The following PDE6C variants were observed in gnomAD, a reference collection of about 807,000 sequenced individuals.
PDE6C encodes the protein phosphodiesterase 6C.
A neutral mutation model predicts 113.1 loss-of-function variants in PDE6C; 75 were observed. That is an observed-to-expected ratio of 0.66 (90% confidence interval 0.55 to 0.80). PDE6C has a LOEUF of 0.80. Ranked by LOEUF, PDE6C falls within the 30% of genes least tolerant of loss-of-function variation. The probability of loss-of-function intolerance (pLI) is 0.00; values close to 1 mark genes in which losing one functional copy is unlikely to be tolerated. For missense variants in PDE6C, 912 were observed against 1,038.6 expected, an observed-to-expected ratio of 0.88 and a Z score of 1.67; for synonymous variants, 375 against 363.7, an observed-to-expected ratio of 1.03 and a Z score of -0.35.
At chr10:93,637,718 G>A (rs2058540598) in intron 11 of PDE6C, among the ~76,000 whole-genome samples, 1 of 152,094 alleles carries the variant, frequency 6.6e-6, no homozygotes, top group South Asian at 2.1e-4. Context: ...ATTTTCCCCT[G>A]TATTTTCATA....
At chr10:93,616,153 T>C (rs117998577) in intron 1 of PDE6C, among the ~76,000 whole-genome samples, 118 of 152,170 alleles carry the variant, frequency 7.8e-4, no homozygotes, top group Non-Finnish European at 1.5e-3. Flanking sequence ...GCCTGTGTAG[T>C]AGGAATCGTT....
chr10:93,640,298 TCA>T lies in PDE6C; in HGVS notation c.1629+83_1629+84del, dbSNP rs2058552903. On this transcript the variant is annotated intron_variant, in intron 12 of 21. Coordinates refer to ENST00000371447, the MANE Select transcript of PDE6C (RefSeq NM_006204.4). ...GTTTTCTGTGGTTCAAAAGATGGACTCAGTTTGAATTTTAAATTATTATTAAC... is the reference window on the plus strand; with the variant it reads ...GTTTTCTGTGGTTCAAAAGATGGACTGTTTGAATTTTAAATTATTATTAAC... 9.4e-6 allele frequency: 13 copies of T among 1,386,868 alleles called. No individual in the cohort carries two copies. In the South Asian group the frequency reaches 1.4e-4, roughly 15 times the overall value. 85.9% of individuals were successfully genotyped at this position (1,386,868 alleles called of 1,614,324 possible).
intron 15 of PDE6C, among the ~76,000 whole-genome samples, chr10:93,652,658 A>G (rs17109131): frequency 0.011 from 1,668 of 152,294 alleles, 21 homozygotes; most frequent in African/African-American, 0.032. Context: ...GATTGGAAAA[A>G]GGTATAAGAG....
At chr10:93,634,485 A>T (rs898271929) in intron 8 of PDE6C, among the ~76,000 whole-genome samples, 1 of 152,214 alleles carries the variant, frequency 6.6e-6, no homozygotes, top group African/African-American at 2.4e-5. Flanking sequence ...ACACACACAT[A>T]TATGTGCAAA....
chr10:93,663,266 C>G (rs2058674866), intron 21 of PDE6C, 88 bp downstream of exon 21: 1 of 1,339,804 alleles, frequency 7.5e-7, no homozygotes. Flanking sequence ...AAAGAGTCAC[C>G]ACAAACAGAA....
intron 18 of PDE6C, among the ~76,000 whole-genome samples, chr10:93,660,611 G>A (rs796764364): frequency 4.1e-4 from 63 of 152,068 alleles, no homozygotes; most frequent in African/African-American, 1.3e-3. Flanking sequence ...CTCAAATTCC[G>A]TCACCTTAAA....
chr10:93,629,335 C>T (rs2058488426), intron 8 of PDE6C, 30 bp downstream of exon 8: 1 of 1,536,334 alleles, frequency 6.5e-7, no homozygotes, highest in Non-Finnish European at 9.0e-7. Flanking sequence ...GACCTCACCT[C>T]TTGGGGCTGG....
At chr10:93,652,786 T>C (rs1003095982) in intron 15 of PDE6C, among the ~76,000 whole-genome samples, 15 of 152,168 alleles carry the variant, frequency 9.9e-5, no homozygotes, top group African/African-American at 3.1e-4. Flanking sequence ...ACTAAAACAA[T>C]TGGTGCATAA....
intron 11 of PDE6C, among the ~76,000 whole-genome samples, chr10:93,637,266 A>G (rs937091612): frequency 2.6e-5 from 4 of 151,960 alleles, no homozygotes; most frequent in Non-Finnish European, 5.9e-5. Flanking sequence ...CTCTGGTCCA[A>G]TTCATACAGA....
At chr10:93,630,000 C>CTGCA (rs527724819) in intron 8 of PDE6C, among the ~76,000 whole-genome samples, 82 of 152,258 alleles carry the variant, frequency 5.4e-4, no homozygotes, top group African/African-American at 1.9e-3. Context: ...TAAACGTTCT[C>CTGCA]TGCATGCATG....
intron 16 of PDE6C, among the ~76,000 whole-genome samples, chr10:93,657,146 GTGT>G (rs2058641491): frequency 6.6e-6 from 1 of 151,336 alleles, no homozygotes; most frequent in African/African-American, 2.4e-5. Flanking sequence ...GTATTGTTGT[GTGT>G]TGTTTTTTTT....
rs769552362 is a variant in PDE6C at position 93,663,171 on chromosome 10, C to T, written c.2511C>T (p.Ala837=). 20 of 1,613,086 alleles carry T rather than the reference C, an allele frequency of 1.2e-5. No individual in the cohort carries two copies. The highest frequency in any genetic ancestry group is 1.7e-4 in the Middle Eastern group (1 of 6,042). Residue 837 remains alanine, a synonymous_variant, in exon 21 of 22, where the codon GCC becomes GCT. Transcript: ENST00000371447. ...EEEAKKQEGG[A]EKAAEDSGGG... ...AGGCAAAAAAGCAAGAAGGAGGAGCCGAAAAAGGTTAGATGGGCTCTGTTT... is the reference window on the plus strand; with the variant it reads ...AGGCAAAAAAGCAAGAAGGAGGAGCTGAAAAAGGTTAGATGGGCTCTGTTT...
intron 7 of PDE6C, among the ~76,000 whole-genome samples, chr10:93,627,583 G>A (rs2058480192): frequency 6.6e-6 from 1 of 152,152 alleles, no homozygotes; most frequent in African/African-American, 2.4e-5. Flanking sequence ...TCAATATTGA[G>A]TTAAAAGCTT....
rs560232012 is a variant in PDE6C at position 93,626,267 on chromosome 10, G to A, written c.940-373G>A. 3.3e-5 allele frequency among the ~76,000 whole-genome samples: 5 copies of A among 152,272 alleles called. No individual in the cohort carries two copies. In the East Asian group the frequency reaches 9.7e-4, roughly 29 times the overall value. On this transcript the variant is annotated intron_variant, in intron 5 of 21. Transcript: ENST00000371447. ...ACTGACTACAGTTAAGAAATTACAT[G>A]ATTTGTTCTAGTGAAGTTATTAATG... is the stretch of plus-strand genomic sequence containing the variant.
In PDE6C at chr10:93,612,570, C is replaced by G. The variant is rs2058396321; in HGVS notation, c.-156C>G. ...CCAAGAGTTACAGGCAGTTTGAAAG[C>G]TCTGCTTTCTGCTTGACCTTTGGAA... On this transcript the variant is annotated 5_prime_UTR_variant, in exon 1 of 22. Coordinates refer to ENST00000371447, the MANE Select transcript of PDE6C (RefSeq NM_006204.4). 1 of 982,986 alleles carries G rather than the reference C, an allele frequency of 1.0e-6. No individual in the cohort carries two copies. The highest frequency in any genetic ancestry group is 1.6e-5 in the African/African-American group (1 of 63,110). 60.9% of individuals were successfully genotyped at this position (982,986 alleles called of 1,614,324 possible).
chr10:93,646,553 C>T (rs2058585290), intron 15 of PDE6C, among the ~76,000 whole-genome samples: 1 of 152,124 alleles, frequency 6.6e-6, no homozygotes, highest in South Asian at 2.1e-4. Flanking sequence ...GCAGGCTGTA[C>T]AGGAAGCACG....
chr10:93,621,116 C>A, intron 3 of PDE6C, 136 bp downstream of exon 3: 1 of 719,152 alleles, frequency 1.4e-6, no homozygotes, highest in Non-Finnish European at 2.5e-6. Context: ...TTCAGTCCCA[C>A]GTGTCCTCTC....
chr10:93,659,187 C>A lies in PDE6C; in HGVS notation c.2208+20C>A, dbSNP rs372978486. 22 of 1,560,008 alleles carry A rather than the reference C, an allele frequency of 1.4e-5. No homozygotes were observed. Among genetic ancestry groups the A allele is most frequent in the Non-Finnish European group, 1.8e-5 (20 of 1,133,398 alleles). ...AGTCAGGTGAGTCCAGTTAAGTTTTCTTTTCTGTCACACTGTCAGGTACTG... is the reference window on the plus strand; with the variant it reads ...AGTCAGGTGAGTCCAGTTAAGTTTTATTTTCTGTCACACTGTCAGGTACTG... On this transcript the variant is annotated intron_variant, in intron 18 of 21. Transcript: ENST00000371447.
chr10:93,654,806 C>CTT (rs1244035989), intron 15 of PDE6C, among the ~76,000 whole-genome samples: 73 of 82,920 alleles, frequency 8.8e-4, no homozygotes, highest in Admixed American at 5.3e-3. Flanking sequence ...TTCTTTCTTT[C>CTT]TTTCTTTTTT....
Sources: allele counts gnomAD v4.1 joint callset (sites outside exome capture counted in the v4.1 genomes callset), GRCh38; gene constraint gnomAD v4.1.1; transcripts MANE v1.5; gene names NCBI Gene and HGNC (gene_info 2026-07-23, HGNC 2026-07-21).